FAF1: variants seen among roughly 807,000 people sequenced by gnomAD.
The protein encoded by FAF1 is Fas associated factor 1, also known as FAS-associated factor 1.
Under a neutral mutation model 92.5 loss-of-function variants are expected in FAF1, and 25 were observed. The observed-to-expected ratio is 0.27, with a 90% CI of 0.20 to 0.38. The LOEUF (loss-of-function observed/expected upper bound fraction) is 0.38. FAF1 is among the 10% of genes least tolerant of loss of function. The probability of loss-of-function intolerance (pLI) is 1.00; values close to 1 mark genes in which losing one functional copy is unlikely to be tolerated. For synonymous variants in FAF1, 234 were observed against 273.2 expected, an observed-to-expected ratio of 0.86 and a Z score of 1.42; for missense variants, 636 against 793.3, an observed-to-expected ratio of 0.80 and a Z score of 2.38.
chr1:50,806,952 G>A (rs1453534355), intron 2 of FAF1, among the ~76,000 whole-genome samples: 1 of 152,184 alleles, frequency 6.6e-6, no homozygotes. Flanking sequence ...AGGTACCAGT[G>A]CAGCAAGAAC....
intron 4 of FAF1, among the ~76,000 whole-genome samples, chr1:50,760,981 T>C (rs1006659774): frequency 3.0e-4 from 46 of 151,960 alleles, no homozygotes; most frequent in Admixed American, 1.3e-3. Flanking sequence ...ATCAAATAAA[T>C]GCAATAAAAA....
chr1:50,570,930 A>G (rs1322531708), intron 12 of FAF1, among the ~76,000 whole-genome samples: 1 of 152,212 alleles, frequency 6.6e-6, no homozygotes, highest in East Asian at 1.9e-4. Flanking sequence ...CTAATCAGAA[A>G]ACTGCTTTCG....
chr1:50,477,664 C>A (rs1646654534), intron 17 of FAF1, among the ~76,000 whole-genome samples: 1 of 152,072 alleles, frequency 6.6e-6, no homozygotes, highest in Admixed American at 6.6e-5. Flanking sequence ...CTGTGTATAT[C>A]AAAATTAAAT....
Position 50,733,339 on chromosome 1 carries a change from A to G in FAF1, c.551+5524T>C, listed in dbSNP as rs182657484. Among the ~76,000 whole-genome samples the G allele has an allele frequency of 6.6e-5, 10 of 152,250 alleles. 1 individual carries two copies. In the East Asian group the frequency reaches 1.9e-3, roughly 29 times the overall value. On this transcript the variant is annotated intron_variant, in intron 6 of 18. Coordinates refer to ENST00000396153, the MANE Select transcript of FAF1 (RefSeq NM_007051.3). ...CAGAAATGTTCTCCATCTGTCTCCA[A>G]TCTTCTATTATTACACCTTTCCTAC...
At chr1:50,593,275 A>C (rs1651618303) in intron 9 of FAF1, among the ~76,000 whole-genome samples, 1 of 152,202 alleles carries the variant, frequency 6.6e-6, no homozygotes. Context: ...TCTTCACTAT[A>C]TGGAACTGAC....
intron 4 of FAF1, among the ~76,000 whole-genome samples, chr1:50,773,628 T>G (rs535387704): frequency 6.6e-6 from 1 of 152,278 alleles, no homozygotes; most frequent in Non-Finnish European, 1.5e-5. Context: ...TCTAAACATC[T>G]GAATCCACAT....
chr1:50,577,350 C>A (rs1265433232), intron 12 of FAF1, among the ~76,000 whole-genome samples: 7 of 152,122 alleles, frequency 4.6e-5, no homozygotes, highest in Admixed American at 1.3e-4. Context: ...CATGGTGAAA[C>A]CCCGTCTGTA....
chr1:50,822,120 A>G (rs1570005518), intron 2 of FAF1, among the ~76,000 whole-genome samples: 1 of 151,866 alleles, frequency 6.6e-6, no homozygotes, highest in African/African-American at 2.4e-5. Context: ...TTTTGTTTTA[A>G]TAAGTTCTAA....
intron 8 of FAF1, among the ~76,000 whole-genome samples, chr1:50,646,406 A>C (rs1405315684): frequency 6.6e-6 from 1 of 152,180 alleles, no homozygotes; most frequent in Non-Finnish European, 1.5e-5. Context: ...CAATTACTAT[A>C]CTCATACAAA....
intron 18 of FAF1, chr1:50,452,292 T>C (rs17106191): frequency 0.012 from 5,764 of 494,106 alleles, 291 homozygotes; most frequent in African/African-American, 0.11. Flanking sequence ...CACAGGCAAA[T>C]TCATAAGTGA....
intron 2 of FAF1, among the ~76,000 whole-genome samples, chr1:50,815,398 C>T (rs1643959201): frequency 6.6e-6 from 1 of 152,134 alleles, no homozygotes; most frequent in East Asian, 1.9e-4. Context: ...GACATAATTT[C>T]ATTCTTTTTT....
chr1:50,513,313 C>T (rs542016901), intron 15 of FAF1, among the ~76,000 whole-genome samples: 102 of 152,266 alleles, frequency 6.7e-4, no homozygotes, highest in Non-Finnish European at 1.3e-3. Context: ...AACCCTGTCT[C>T]TACCAGAAAA....
At chr1:50,619,270 T>C (rs1653079108) in intron 8 of FAF1, among the ~76,000 whole-genome samples, 1 of 152,256 alleles carries the variant, frequency 6.6e-6, no homozygotes, top group Admixed American at 6.5e-5. Flanking sequence ...ATTTTGATCC[T>C]GTCATTGTGG....
chr1:50,837,123 A>T (rs1014688260), intron 2 of FAF1, among the ~76,000 whole-genome samples: 2 of 151,762 alleles, frequency 1.3e-5, no homozygotes, highest in Non-Finnish European at 2.9e-5. Context: ...ATGCCCAGCT[A>T]ATTTTTTGTA....
At chr1:50,695,366 C>T (rs1055346620) in intron 7 of FAF1, among the ~76,000 whole-genome samples, 1 of 151,706 alleles carries the variant, frequency 6.6e-6, no homozygotes, top group Admixed American at 6.6e-5. Context: ...AGAGATTGCA[C>T]CATTGCACTA....
At chr1:50,460,185 C>T (rs1024051650) in intron 18 of FAF1, among the ~76,000 whole-genome samples, 24 of 152,186 alleles carry the variant, frequency 1.6e-4, no homozygotes, top group African/African-American at 5.8e-4. Context: ...GACCTCATAG[C>T]CTAAATTCCA....
chr1:50,750,536 C>A (rs144939896), intron 4 of FAF1, among the ~76,000 whole-genome samples: 3 of 152,214 alleles, frequency 2.0e-5, no homozygotes, highest in Non-Finnish European at 2.9e-5. Context: ...CCTACTCACA[C>A]TGATCCTCCT....
intron 4 of FAF1, among the ~76,000 whole-genome samples, chr1:50,761,875 A>G (rs1298220440): frequency 2.0e-5 from 3 of 152,164 alleles, no homozygotes; most frequent in African/African-American, 7.2e-5. Flanking sequence ...TGGGTATTCA[A>G]TTAGGAAAAG....
intron 15 of FAF1, among the ~76,000 whole-genome samples, chr1:50,524,931 G>C (rs530855958): frequency 2.0e-5 from 3 of 151,936 alleles, no homozygotes; most frequent in African/African-American, 7.3e-5. Context: ...TGTTGCCCAG[G>C]GTGTAGTGCA....
Sources: allele counts gnomAD v4.1 joint callset (sites outside exome capture counted in the v4.1 genomes callset), GRCh38; gene constraint gnomAD v4.1.1; transcripts MANE v1.5; gene names NCBI Gene and HGNC (gene_info 2026-07-23, HGNC 2026-07-21).